The following VGLL1 variants were observed in gnomAD, a reference collection of about 807,000 sequenced individuals.
VGLL1 encodes the protein transcription cofactor vestigial-like protein 1.
VGLL1 carries 4 observed loss-of-function variants against 12.0 expected under a neutral mutation model. That is an observed-to-expected ratio of 0.33 (90% CI 0.16 to 0.76). The LOEUF (loss-of-function observed/expected upper bound fraction) is 0.76, where lower values mean the gene tolerates loss of function less well. VGLL1 is among the 30% of genes least tolerant of loss of function. The pLI is 0.60. For synonymous variants in VGLL1, 87 were observed against 81.2 expected (o/e 1.07, Z -0.39); for missense variants, 204 against 208.7 (o/e 0.98, Z 0.14).
chrX:136,537,848 G>A (rs1057083100), intron 2 of VGLL1, among the ~76,000 whole-genome samples: 5 of 109,962 alleles, frequency 4.5e-5, no homozygotes, highest in Non-Finnish European at 1.9e-5. Context: ...TTACAGGTGT[G>A]AACCACCACA....
chrX:136,539,385 C>T (rs771150793), intron 2 of VGLL1, among the ~76,000 whole-genome samples: 1 of 111,860 alleles, frequency 8.9e-6, no homozygotes, highest in South Asian at 3.8e-4. Flanking sequence ...AACCTCATCA[C>T]TCCTTGAAAT....
At chrX:136,532,975 T>TTA (rs915299645) in intron 1 of VGLL1, among the ~76,000 whole-genome samples, 1 of 110,628 alleles carries the variant, frequency 9.0e-6, no homozygotes, top group Non-Finnish European at 1.9e-5. Context: ...CAGCATCTCT[T>TTA]TCTCCTAGGC....
chrX:136,533,463 T>C (rs2075831610), intron 1 of VGLL1, among the ~76,000 whole-genome samples: 1 of 111,528 alleles, frequency 9.0e-6, no homozygotes, highest in African/African-American at 3.3e-5. Flanking sequence ...TTCAGGGCCC[T>C]AATGTCCTCA....
In VGLL1 at chrX:136,532,597, CT is replaced by C. The variant is rs1569359155; in HGVS notation, c.-26+304del. 2.4e-4 allele frequency among the ~76,000 whole-genome samples: 18 copies of C among 74,838 alleles called. No individual in the cohort carries two copies. The East Asian group carries it at 7.2e-3, about 30-fold the overall frequency. 65.0% of individuals were successfully genotyped at this position (74,838 alleles called of 115,157 possible). A position where few individuals can be genotyped will look rare whatever the true frequency, so the allele number is the denominator to read the frequency against. On this transcript the variant is annotated intron_variant, in intron 1 of 4. Coordinates refer to ENST00000370634, the MANE Select transcript of VGLL1 (RefSeq NM_016267.4). Reference sequence around the variant, plus strand: ...TATTTCTTTCTTTCTTTCTTTCTTTCTTTCTTTCTTTCTTTCTTTCTTTCTT... The same window carrying C: ...TATTTCTTTCTTTCTTTCTTTCTTTCTTCTTTCTTTCTTTCTTTCTTTCTT...
intron 2 of VGLL1, among the ~76,000 whole-genome samples, chrX:136,545,435 GGGATATAAT>G (rs2075867175): frequency 8.9e-6 from 1 of 111,895 alleles, no homozygotes; most frequent in Non-Finnish European, 1.9e-5. Context: ...CAAGTTCTTG[GGGATATAAT>G]GGTGAACAAA....
At position 136,536,196 on chromosome X, in the gene VGLL1, C is replaced by T. The variant is rs3027860; in HGVS notation, c.176C>T (p.Thr59Ile). ...AATATCAAGAGCCCCCAGGAATTGACCCCCTCGAGTCAGAGTGAAGGTGTG... is the reference window on the plus strand; with the variant it reads ...AATATCAAGAGCCCCCAGGAATTGATCCCCTCGAGTCAGAGTGAAGGTGTG... ...LSNIKSPQEL[T>I]PSSQSEGVML... Residue 59 changes from threonine (T) to isoleucine (I), a missense_variant, in exon 2 of 5, where the codon ACC (threonine) becomes ATC (isoleucine). Transcript: ENST00000370634. The T allele has an allele frequency of 0.012, 14,742 of 1,208,775 alleles. 963 individuals are homozygous for T. In the Admixed American group the frequency reaches 0.22, roughly 18 times the overall value.
At chrX:136,552,455 G>A (rs1292008410) in intron 4 of VGLL1, among the ~76,000 whole-genome samples, 2 of 112,167 alleles carry the variant, frequency 1.8e-5, no homozygotes, top group South Asian at 7.5e-4. Flanking sequence ...TTCTACATTT[G>A]TTTATTGTGA....
chrX:136,550,690 C>T, intron 3 of VGLL1, 78 bp from the exon 4 acceptor site: 2 of 804,420 alleles, frequency 2.5e-6, no homozygotes, highest in Non-Finnish European at 3.7e-6. Flanking sequence ...AATGTGGGGC[C>T]CCTGGAATGC....
At chrX:136,547,014 C>T (rs1273923600) in intron 2 of VGLL1, among the ~76,000 whole-genome samples, 1 of 113,027 alleles carries the variant, frequency 8.8e-6, no homozygotes, top group Non-Finnish European at 1.9e-5. Context: ...TCCTTTGTGT[C>T]ACACTGAGTG....
At chrX:136,555,542 G>A (rs1027940166) in intron 4 of VGLL1, among the ~76,000 whole-genome samples, 2 of 111,593 alleles carry the variant, frequency 1.8e-5, no homozygotes, top group Non-Finnish European at 3.8e-5. Context: ...GAGGGGTGAA[G>A]TCATTGAGAA....
intron 2 of VGLL1, among the ~76,000 whole-genome samples, chrX:136,543,133 T>C (rs1287241017): frequency 9.0e-6 from 1 of 111,633 alleles, no homozygotes; most frequent in Admixed American, 9.5e-5. Flanking sequence ...TCATATTCTG[T>C]GTTTGATCTC....
At chrX:136,556,198 T>G (rs1486623563) in intron 4 of VGLL1, among the ~76,000 whole-genome samples, 1 of 112,171 alleles carries the variant, frequency 8.9e-6, no homozygotes, top group Non-Finnish European at 1.9e-5. Flanking sequence ...AGAAATCTGA[T>G]AACTTACTCA....
chrX:136,555,607 C>T (rs2075898927), intron 4 of VGLL1, among the ~76,000 whole-genome samples: 1 of 111,282 alleles, frequency 9.0e-6, no homozygotes, highest in African/African-American at 3.3e-5. Context: ...GGCTGTTCTG[C>T]CATTGAAAGT....
At chrX:136,543,138 G>C (rs1407380478) in intron 2 of VGLL1, among the ~76,000 whole-genome samples, 1 of 111,588 alleles carries the variant, frequency 9.0e-6, no homozygotes, top group Non-Finnish European at 1.9e-5. Flanking sequence ...TTCTGTGTTT[G>C]ATCTCTGTTT....
chrX:136,539,808 C>T (rs1333700577), intron 2 of VGLL1, among the ~76,000 whole-genome samples: 2 of 111,701 alleles, frequency 1.8e-5, no homozygotes, highest in African/African-American at 6.5e-5. Flanking sequence ...CTTAACATGC[C>T]TAATAGGAAA....
chrX:136,548,087 G>A (rs763797195), intron 2 of VGLL1, among the ~76,000 whole-genome samples: 1 of 111,179 alleles, frequency 9.0e-6, no homozygotes, highest in Non-Finnish European at 1.9e-5. Context: ...TGCAACATCC[G>A]CCTCCTGGGC....
intron 2 of VGLL1, among the ~76,000 whole-genome samples, chrX:136,538,642 C>A (rs2075847004): frequency 8.9e-6 from 1 of 112,801 alleles, no homozygotes; most frequent in Non-Finnish European, 1.9e-5. Flanking sequence ...GTAAAGTGGA[C>A]AAGTGGGGCC....
At chrX:136,549,529 C>A (rs1230266712) in intron 3 of VGLL1, among the ~76,000 whole-genome samples, 1 of 110,519 alleles carries the variant, frequency 9.0e-6, no homozygotes, top group Non-Finnish European at 1.9e-5. Flanking sequence ...TGCTTGGAGA[C>A]CTAACAGTGC....
At chrX:136,532,639 TTCTTTCTTTCTTTC>T (rs2075827624) in intron 1 of VGLL1, among the ~76,000 whole-genome samples, 1 of 97,773 alleles carries the variant, frequency 1.0e-5, no homozygotes, top group Non-Finnish European at 2.0e-5. Flanking sequence ...CTTTCTTTCT[TTCTTTCTTTCTTTC>T]TTTCTTTCTT....
Sources: gnomAD v4.1 joint callset for allele counts (sites outside exome capture counted in the v4.1 genomes callset) on GRCh38, gnomAD v4.1.1 for gene constraint, MANE v1.5 for transcripts, NCBI Gene and HGNC (gene_info 2026-07-23, HGNC 2026-07-21) for gene names.